Variants in UTRN observed in about 807,000 individuals in gnomAD.
The protein encoded by UTRN is dystrophin-related protein 1.
A neutral mutation model predicts 463.9 loss-of-function variants in UTRN; 283 were observed. That is an observed-to-expected ratio of 0.61 (90% CI 0.55 to 0.67). UTRN has a LOEUF of 0.67. Ranked by LOEUF, UTRN falls within the 30% of genes least tolerant of loss-of-function variation. The pLI is 0.00. For missense variants in UTRN, 3,922 were observed against 4,084.3 expected (o/e 0.96, Z 1.08); for synonymous variants, 1,442 against 1,431.5 (o/e 1.01, Z -0.17).
In UTRN at chr6:144,458,927, C is replaced by G. The variant is rs1253305916; in HGVS notation, c.2442C>G (p.Ile814Met). The G allele has an allele frequency of 3.1e-6, 5 of 1,613,700 alleles. 1 individual carries two copies. The highest frequency in any genetic ancestry group is 4.2e-6 in the Non-Finnish European group (5 of 1,179,980). ...FKQLDELEKV[I>M]KTKEEWVKHT... ...AGCTTGATGAGCTTGAAAAGGTCAT[C>G]AAGACAAAGGAGGAGTGGGTAAAAC... Residue 814 changes from isoleucine to methionine, a missense_variant, in exon 20 of 75, where the codon ATC (isoleucine) becomes ATG (methionine). This residue lies in a region of UTRN where 2,349 missense variants were observed against 2,303.8 expected (regional missense o/e 1.02). Coordinates refer to ENST00000367545, the MANE Select transcript of UTRN (RefSeq NM_007124.3).
chr6:144,723,498 C>T (rs1787448620), intron 53 of UTRN, among the ~76,000 whole-genome samples: 1 of 152,090 alleles, frequency 6.6e-6, no homozygotes, highest in Admixed American at 6.5e-5. Context: ...TGATTAAGAC[C>T]TGAACCTTAC....
At chr6:144,673,641 C>T (rs1472967577) in intron 51 of UTRN, among the ~76,000 whole-genome samples, 1 of 152,048 alleles carries the variant, frequency 6.6e-6, no homozygotes, top group Admixed American at 6.6e-5. Context: ...TATTTACATT[C>T]AATGTTAGTA....
chr6:144,668,713 G>A (rs917066682), intron 51 of UTRN, among the ~76,000 whole-genome samples: 3 of 152,060 alleles, frequency 2.0e-5, no homozygotes, highest in East Asian at 1.9e-4. Context: ...TAGTAATCTC[G>A]TTCATGAGAG....
intron 51 of UTRN, among the ~76,000 whole-genome samples, chr6:144,661,465 G>T (rs1196374023): frequency 6.6e-6 from 1 of 152,052 alleles, no homozygotes; most frequent in South Asian, 2.1e-4. Flanking sequence ...AACACAGGGC[G>T]GACTTCGACC....
chr6:144,516,292 G>T lies in UTRN; in HGVS notation c.5308G>T (p.Val1770Leu), dbSNP rs1287869448. ...CACCACTGAAACATTTGAAACTGGT[G>T]TGCCTTTCTCTGACTTGGAAAAATT... ...LVTTETFETG[V>L]PFSDLEKLEN... The change falls in exon 38 of 75, where the codon GTG (valine) becomes TTG (leucine). Residue 1770 changes from valine (V) to leucine (L), a missense_variant. This residue lies in a region of UTRN where 2,349 missense variants were observed against 2,303.8 expected (regional missense o/e 1.02). Coordinates refer to ENST00000367545, the MANE Select transcript of UTRN (RefSeq NM_007124.3). The T allele has an allele frequency of 6.2e-7, 1 of 1,613,838 alleles. No homozygotes were observed. Among genetic ancestry groups the T allele is most frequent in the East Asian group, 2.2e-5 (1 of 44,840 alleles).
intron 60 of UTRN, among the ~76,000 whole-genome samples, chr6:144,775,883 T>C (rs1775279411): frequency 6.6e-6 from 1 of 152,210 alleles, no homozygotes; most frequent in Admixed American, 6.5e-5. Context: ...TCCTCAGCTC[T>C]TCCCCTCAAA....
At position 144,751,926 on chromosome 6, in the gene UTRN, C is replaced by T. The variant is rs200572757; in HGVS notation, c.8329C>T (p.Leu2777Phe). The T allele has an allele frequency of 1.8e-4, 297 of 1,610,110 alleles. 1 individual carries two copies. In the East Asian group the frequency reaches 5.9e-3, roughly 32 times the overall value. Residue 2777 changes from leucine to phenylalanine, a missense_variant, in exon 56 of 75, where the codon CTT becomes TTT. Coordinates refer to ENST00000367545, the MANE Select transcript of UTRN (RefSeq NM_007124.3). ...SLKMSRQLDD[L>F]NMRWKLLQVS... Reference sequence around the variant, plus strand: ...AAAGATGTCTCGCCAGCTAGATGACCTTAATATGCGATGGAAACTTTTACA... The same window carrying T: ...AAAGATGTCTCGCCAGCTAGATGACTTTAATATGCGATGGAAACTTTTACA...
intron 2 of UTRN, among the ~76,000 whole-genome samples, chr6:144,368,488 T>C (rs1218592011): frequency 6.6e-6 from 1 of 152,238 alleles, no homozygotes; most frequent in South Asian, 2.1e-4. Flanking sequence ...ATATACATGA[T>C]AAGCATGGCT....
chr6:144,827,436 T>A, intron 67 of UTRN, 50 bp downstream of exon 67: 2 of 1,610,766 alleles, frequency 1.2e-6, no homozygotes, highest in Non-Finnish European at 1.7e-6. Context: ...TCAGTGGTAC[T>A]AGCATGGGGG....
At chr6:144,691,143 G>A (rs1783363093) in intron 52 of UTRN, among the ~76,000 whole-genome samples, 1 of 152,134 alleles carries the variant, frequency 6.6e-6, no homozygotes, top group African/African-American at 2.4e-5. Flanking sequence ...ATGGAACAGA[G>A]TCTTGCTCTG....
intron 37 of UTRN, among the ~76,000 whole-genome samples, chr6:144,515,673 A>G (rs1795553023): frequency 6.6e-6 from 1 of 152,238 alleles, no homozygotes; most frequent in Non-Finnish European, 1.5e-5. Flanking sequence ...GATGGTATTT[A>G]TCTGCATTTA....
At chr6:144,417,955 T>C (rs1475412060) in intron 3 of UTRN, among the ~76,000 whole-genome samples, 1 of 152,160 alleles carries the variant, frequency 6.6e-6, no homozygotes, top group Non-Finnish European at 1.5e-5. Flanking sequence ...AAGTGCTTAG[T>C]TGTTGTCTCA....
At chr6:144,430,843 A>G (rs1342511998) in intron 9 of UTRN, among the ~76,000 whole-genome samples, 1 of 152,088 alleles carries the variant, frequency 6.6e-6, no homozygotes, top group Non-Finnish European at 1.5e-5. Flanking sequence ...GATTCAGAGA[A>G]TTTACTTATT....
chr6:144,400,831 C>G (rs1380190885), intron 2 of UTRN, among the ~76,000 whole-genome samples: 1 of 151,996 alleles, frequency 6.6e-6, no homozygotes, highest in African/African-American at 2.4e-5. Context: ...TTGACTTGAC[C>G]CATAAAATAA....
In UTRN at chr6:144,851,834, A is replaced by G. The variant is rs932984292; in HGVS notation, c.*837A>G. 20 of 152,206 alleles carry G rather than the reference A, an allele frequency of 1.3e-4. No homozygotes were observed. The highest frequency in any genetic ancestry group is 2.8e-4 in the Non-Finnish European group (19 of 68,034). The allele number at this position is 152,206 out of a possible 1,614,324, so 9.4% of individuals were successfully genotyped here. A position where few individuals can be genotyped will look rare whatever the true frequency, so the allele number is the denominator to read the frequency against. On this transcript the variant is annotated 3_prime_UTR_variant, in exon 75 of 75. Transcript: ENST00000367545. ...TTGATAAAGAAGACTACATTATAAT[A>G]ATCTCAAAGATCATATTACCAAAGG... is the stretch of plus-strand genomic sequence containing the variant.
rs71028314 is a variant in UTRN at position 144,824,572 on chromosome 6, TTATATATATATATATATATATA to T, written c.9495-2756_9495-2735del. ...TATATATATTAATATAGCATTTTAT[TTATATATATATATATATATATA>T]TATATATATATATATATATCTTTTT... On this transcript the variant is annotated intron_variant, in intron 66 of 74. Coordinates refer to ENST00000367545, the MANE Select transcript of UTRN (RefSeq NM_007124.3). Among the ~76,000 whole-genome samples, 126 of 37,922 alleles carry T rather than the reference TTATATATATATATATATATATA, an allele frequency of 3.3e-3. 7 individuals are homozygous for T. The highest frequency in any genetic ancestry group is 0.015 in the Admixed American group (25 of 1,658). 24.9% of individuals were successfully genotyped at this position (37,922 alleles called of 152,430 possible).
Position 144,781,977 on chromosome 6 carries a change from C to G in UTRN, c.8688C>G (p.Asn2896Lys). 4 of 1,613,968 alleles carry G rather than the reference C, an allele frequency of 2.5e-6. No homozygotes were observed. The highest frequency in any genetic ancestry group is 3.4e-6 in the Non-Finnish European group (4 of 1,179,958). ...AAATTTTCAAACAGCACAAGTTGAA[C>G]CAAAATGACCAGCTCCTCAGTGTTC... is the stretch of plus-strand genomic sequence containing the variant. ...TNEIFKQHKL[N>K]QNDQLLSVPD... The change falls in exon 61 of 75, where the codon AAC becomes AAG. Residue 2896 changes from asparagine (N) to lysine (K), a missense_variant. Physicochemically the swap from Asn to Lys is moderately conservative, Grantham distance 94. This residue lies in a region of UTRN where 1,309 missense variants were observed against 1,452.6 expected (regional missense o/e 0.90). Coordinates refer to ENST00000367545, the MANE Select transcript of UTRN (RefSeq NM_007124.3).
rs1478409329 is a variant in UTRN at position 144,429,581 on chromosome 6, A to G, written c.695A>G (p.Asp232Gly). The change falls in exon 9 of 75, where the codon GAT (aspartate) becomes GGT (glycine). Residue 232 changes from aspartate to glycine, a missense_variant and splice_region_variant. This residue lies in a region of UTRN where 264 missense variants were observed against 327.9 expected (regional missense o/e 0.81). Coordinates refer to ENST00000367545, the MANE Select transcript of UTRN (RefSeq NM_007124.3). The part of the protein sequence containing the change: ...LGIEKLLDPE[D>G]VAVQLPDKKS... ...GGTTCTTATATTCTTCCACTTTTAGATGTTGCCGTTCAGCTTCCTGACAAG... is the reference window on the plus strand; with the variant it reads ...GGTTCTTATATTCTTCCACTTTTAGGTGTTGCCGTTCAGCTTCCTGACAAG... The G allele has an allele frequency of 6.3e-7, 1 of 1,597,512 alleles. No individual in the cohort carries two copies. Among genetic ancestry groups the G allele is most frequent in the Non-Finnish European group, 8.5e-7 (1 of 1,172,628 alleles).
At chr6:144,675,799 T>C (rs1781528263) in intron 51 of UTRN, among the ~76,000 whole-genome samples, 1 of 152,182 alleles carries the variant, frequency 6.6e-6, no homozygotes, top group Admixed American at 6.6e-5. Flanking sequence ...TTTCCTGGTA[T>C]GTTCCTGCAG....
Sources: gnomAD v4.1 joint callset for allele counts (sites outside exome capture counted in the v4.1 genomes callset) on GRCh38, gnomAD v4.1.1 for gene constraint, gnomAD v4.1.1 regional missense constraint, MANE v1.5 for transcripts, NCBI Gene and HGNC (gene_info 2026-07-23, HGNC 2026-07-21) for gene names.